The following NRAP variants were observed in gnomAD, a reference collection of about 807,000 sequenced individuals.
The protein encoded by NRAP is nebulin related anchoring protein.
Under a neutral mutation model 225.9 loss-of-function variants are expected in NRAP, and 189 were observed. The ratio of observed to expected loss-of-function variants is 0.84; its 90% CI spans 0.74 to 0.94. The LOEUF is 0.94. Among genes scored for constraint, NRAP ranks in the 40% least tolerant of loss-of-function variants. The probability of loss-of-function intolerance (pLI) is 0.00; values close to 1 mark genes in which losing one functional copy is unlikely to be tolerated. For missense variants in NRAP, 2,176 were observed against 2,168.7 expected (o/e 1.00, Z -0.07); for synonymous variants, 769 against 790.7 (o/e 0.97, Z 0.46).
At chr10:113,659,053 T>C (rs1850498055) in intron 3 of NRAP, among the ~76,000 whole-genome samples, 1 of 152,184 alleles carries the variant, frequency 6.6e-6, no homozygotes, top group Non-Finnish European at 1.5e-5. Flanking sequence ...CCAGGGTTGC[T>C]ACTGCTTAAT....
At position 113,652,957 on chromosome 10, in the gene NRAP, T is replaced by C; in HGVS notation, c.548A>G (p.Lys183Arg). Residue 183 changes from lysine to arginine, a missense_variant, in exon 6 of 42, where the codon AAA (lysine) becomes AGA (arginine). Lys to Arg is a conservative substitution (Grantham distance 26). Coordinates refer to ENST00000359988, the MANE Select transcript of NRAP (RefSeq NM_198060.4). ...MITPAYQRAKKANQLASQVEY... is the reference protein window; with the variant it reads ...MITPAYQRAKRANQLASQVEY... ...CACTTGGCTGGCCAGCTGGTTGGCT[T>C]TCTTGGCCCTTTGATAAGCAGGTGT... The C allele has an allele frequency of 6.2e-7, 1 of 1,612,850 alleles. No individual in the cohort carries two copies. Among genetic ancestry groups the C allele is most frequent in the South Asian group, 1.1e-5 (1 of 90,750 alleles).
intron 19 of NRAP, 33 bp from the exon 20 acceptor site, chr10:113,629,054 G>T (rs1848433754): frequency 6.9e-7 from 1 of 1,454,984 alleles, no homozygotes; most frequent in Non-Finnish European, 9.7e-7. Context: ...CTCTCATTGG[G>T]CGCATGGATA....
At chr10:113,663,311 A>C (rs1334685900) in intron 2 of NRAP, 41 bp downstream of exon 2, 1 of 1,205,702 alleles carries the variant, frequency 8.3e-7, no homozygotes, top group Non-Finnish European at 1.2e-6. Flanking sequence ...TGAAAAACAA[A>C]TAAAACTCAA....
rs1885435 is a variant in NRAP at position 113,591,041 on chromosome 10, T to C, written c.4645-152A>G. On this transcript the variant is annotated intron_variant, in intron 39 of 41. Transcript: ENST00000359988. ...GATTCAAATAGACCTATCTGTGTGGTCATGGGCCTGTTACTGAGTTTCTCC... is the reference window on the plus strand; with the variant it reads ...GATTCAAATAGACCTATCTGTGTGGCCATGGGCCTGTTACTGAGTTTCTCC... 385,471 of 630,242 alleles carry C rather than the reference T, an allele frequency of 0.61. 120,048 individuals are homozygous for C. The highest frequency in any genetic ancestry group is 0.75 in the East Asian group (27,391 of 36,438). 39.0% of individuals were successfully genotyped at this position (630,242 alleles called of 1,614,324 possible). A position where few individuals can be genotyped will look rare whatever the true frequency, so the allele number is the denominator to read the frequency against.
chr10:113,603,723 C>T (rs931304442), intron 35 of NRAP, among the ~76,000 whole-genome samples: 4 of 152,196 alleles, frequency 2.6e-5, no homozygotes, highest in Non-Finnish European at 5.9e-5. Flanking sequence ...CAGCCTCAAA[C>T]AGGTCAAGGC....
In NRAP at chr10:113,650,450, C is replaced by G; in HGVS notation, c.771G>C (p.Glu257Asp). 6.2e-7 allele frequency: 1 copy of G among 1,612,104 alleles called. No homozygotes were observed. The highest frequency in any genetic ancestry group is 8.5e-7 in the Non-Finnish European group (1 of 1,178,134). ...CAAGGACACTTACATCACTTGCCAG[C>G]TCATTGGCTCTTTTGGCTATCTGAT... is the stretch of plus-strand genomic sequence containing the variant. ...PAYQIAKRANELASDVRYHQQ... is the reference protein window; with the variant it reads ...PAYQIAKRANDLASDVRYHQQ... The change falls in exon 8 of 42, where the codon GAG (glutamate) becomes GAC (aspartate). Residue 257 changes from glutamate (E) to aspartate (D), a missense_variant. This residue lies in a region of NRAP where 1,708 missense variants were observed against 1,695.5 expected (regional missense o/e 1.01). Transcript: ENST00000359988.
intron 7 of NRAP, 76 bp downstream of exon 7, chr10:113,651,727 C>G: frequency 2.5e-6 from 2 of 813,248 alleles, no homozygotes; most frequent in East Asian, 4.9e-5. Flanking sequence ...TTCATTGCAG[C>G]ACTATTCACA....
At chr10:113,633,979 G>A in intron 15 of NRAP, 133 bp downstream of exon 15, 1 of 674,590 alleles carries the variant, frequency 1.5e-6, no homozygotes, top group Non-Finnish European at 2.7e-6. Context: ...AAGAAGTGGG[G>A]GTCATTTTCT....
At chr10:113,660,086 A>C (rs1034522128) in intron 3 of NRAP, among the ~76,000 whole-genome samples, 5 of 144,460 alleles carry the variant, frequency 3.5e-5, no homozygotes, top group African/African-American at 1.0e-4. Context: ...ACACACACAC[A>C]CCATATACAC....
At chr10:113,650,635 C>A in intron 7 of NRAP, 90 bp from the exon 8 acceptor site, 1 of 857,784 alleles carries the variant, frequency 1.2e-6, no homozygotes, top group South Asian at 1.4e-5. Context: ...GACATCCTGC[C>A]CATCTCCTGT....
At chr10:113,631,266 C>A (rs1450230900) in intron 18 of NRAP, among the ~76,000 whole-genome samples, 11 of 152,112 alleles carry the variant, frequency 7.2e-5, no homozygotes, top group Non-Finnish European at 1.6e-4. Context: ...CAATTGAACA[C>A]CTTTGTACCT....
intron 29 of NRAP, among the ~76,000 whole-genome samples, chr10:113,613,826 T>C (rs1016773415): frequency 1.3e-5 from 2 of 152,166 alleles, no homozygotes; most frequent in South Asian, 2.1e-4. Context: ...AACACTTTTA[T>C]ATAAAATTTT....
chr10:113,622,085 C>G lies in NRAP; in HGVS notation c.2553G>C (p.Met851Ile). 6.2e-7 allele frequency: 1 copy of G among 1,614,166 alleles called. No individual in the cohort carries two copies. The highest frequency in any genetic ancestry group is 8.5e-7 in the Non-Finnish European group (1 of 1,179,970). Reference protein sequence around the residue: ...GDSQMSHSLQMSKLQSELEYK... With the variant: ...GDSQMSHSLQISKLQSELEYK... ...ACTCCAGCTCACTCTGCAGCTTGGACATTTGCAGTGAGTGGCTCATTTGCG... is the reference window on the plus strand; with the variant it reads ...ACTCCAGCTCACTCTGCAGCTTGGAGATTTGCAGTGAGTGGCTCATTTGCG... Residue 851 changes from methionine (M) to isoleucine (I), a missense_variant, in exon 24 of 42, where the codon ATG becomes ATC. Transcript: ENST00000359988.
chr10:113,636,081 C>T (rs1366049098), intron 14 of NRAP, among the ~76,000 whole-genome samples: 3 of 152,256 alleles, frequency 2.0e-5, no homozygotes, highest in Admixed American at 2.0e-4. Flanking sequence ...CACTGAACAC[C>T]TCATTCACAG....
intron 35 of NRAP, among the ~76,000 whole-genome samples, chr10:113,600,189 G>C (rs868758280): frequency 1.4e-5 from 1 of 70,656 alleles, no homozygotes; most frequent in African/African-American, 5.2e-5. Flanking sequence ...CTCTCTCTCT[G>C]GAGATGGGGT....
Position 113,650,032 on chromosome 10 carries a change from C to G in NRAP, c.888+5G>C. ...AGCAGGTCAGGAGATCATTTTATCACATACCTGGCCATATTGGTCTGCACA... is the reference window on the plus strand; with the variant it reads ...AGCAGGTCAGGAGATCATTTTATCAGATACCTGGCCATATTGGTCTGCACA... On this transcript the variant is annotated splice_donor_5th_base_variant and intron_variant, in intron 9 of 41. Coordinates refer to ENST00000359988, the MANE Select transcript of NRAP (RefSeq NM_198060.4). 2 of 1,525,042 alleles carry G rather than the reference C, an allele frequency of 1.3e-6. No individual in the cohort carries two copies. The highest frequency in any genetic ancestry group is 1.4e-5 in the African/African-American group (1 of 73,142). The allele number at this position is 1,525,042 out of a possible 1,614,324, so 94.5% of individuals were successfully genotyped here. A position where few individuals can be genotyped will look rare whatever the true frequency, so the allele number is the denominator to read the frequency against.
chr10:113,627,699 A>G (rs932433882), intron 20 of NRAP, among the ~76,000 whole-genome samples: 3 of 152,246 alleles, frequency 2.0e-5, no homozygotes, highest in African/African-American at 7.2e-5. Context: ...TTGAGATACA[A>G]TACTGTCTCA....
chr10:113,612,641 T>C (rs1847403722), intron 29 of NRAP, among the ~76,000 whole-genome samples: 1 of 152,208 alleles, frequency 6.6e-6, no homozygotes, highest in African/African-American at 2.4e-5. Context: ...CTGGAGGTCA[T>C]TGATCTGGAT....
At position 113,598,081 on chromosome 10, in the gene NRAP, G is replaced by T. The variant is rs2133856605; in HGVS notation, c.4228-8C>A. The T allele has an allele frequency of 1.3e-6, 2 of 1,593,764 alleles. No homozygotes were observed. The highest frequency in any genetic ancestry group is 1.7e-6 in the Non-Finnish European group (2 of 1,161,920). On this transcript the variant is annotated splice_region_variant and splice_polypyrimidine_tract_variant and intron_variant, in intron 35 of 41. Transcript: ENST00000359988. ...GTCTGACTTGTAGCGCAACTGCAGGGAAAAAAATCATGGGCTTTATCAGGA... is the reference window on the plus strand; with the variant it reads ...GTCTGACTTGTAGCGCAACTGCAGGTAAAAAAATCATGGGCTTTATCAGGA...
Sources: gnomAD v4.1 joint callset for allele counts (sites outside exome capture counted in the v4.1 genomes callset) on GRCh38, gnomAD v4.1.1 for gene constraint, gnomAD v4.1.1 regional missense constraint, MANE v1.5 for transcripts, NCBI Gene and HGNC (gene_info 2026-07-23, HGNC 2026-07-21) for gene names.